Variants in GCSAML observed in about 807,000 individuals in gnomAD.
The protein encoded by GCSAML is germinal center-associated signaling and motility-like protein.
Under a neutral mutation model 13.0 loss-of-function variants are expected in GCSAML, and 9 were observed. That is an observed-to-expected ratio of 0.69 (90% CI 0.42 to 1.21). GCSAML has a LOEUF of 1.21. Ranked by LOEUF, GCSAML falls within the 50% of genes most tolerant of loss-of-function variation. The pLI is 0.00. For missense variants in GCSAML, 143 were observed against 153.4 expected (o/e 0.93, Z 0.36); for synonymous variants, 37 against 52.9 (o/e 0.70, Z 1.31).
At chr1:247,564,241 T>C (rs1259394426) in intron 3 of GCSAML, among the ~76,000 whole-genome samples, 1 of 151,990 alleles carries the variant, frequency 6.6e-6, no homozygotes, top group Admixed American at 6.6e-5. Flanking sequence ...CCCTAAAAAG[T>C]GTATTATTTT....
rs1384667573 is a variant in GCSAML, at chr1:247,528,883, T to C, written c.-148+1829T>C. 2.0e-5 allele frequency: 3 copies of C among 151,922 alleles called. No individual in the cohort carries two copies. The East Asian group carries it at 5.8e-4, about 29-fold the overall frequency. The allele number at this position is 151,922 out of a possible 1,614,324, so 9.4% of individuals were successfully genotyped here. On this transcript the variant is annotated intron_variant, in intron 2 of 5. Transcript: ENST00000366489. The stretch of plus-strand genomic sequence containing the variant: ...GATATCTGTCTGACATAAATGCCCA[T>C]GAGAGGGCATCCACTGCAGAGATGG...
chr1:247,531,260 A>G (rs1057155438), intron 2 of GCSAML: 1 of 395,942 alleles, frequency 2.5e-6, no homozygotes, highest in Non-Finnish European at 4.6e-6. Context: ...CGCTTCGGAT[A>G]CTGAGGAACA....
chr1:247,539,818 C>A (rs73148475), intron 2 of GCSAML, among the ~76,000 whole-genome samples: 1 of 152,118 alleles, frequency 6.6e-6, no homozygotes, highest in Non-Finnish European at 1.5e-5. Context: ...AAAATCACAA[C>A]GATTTTACTT....
intron 1 of GCSAML, among the ~76,000 whole-genome samples, chr1:247,514,941 G>A (rs1409795677): frequency 6.6e-6 from 1 of 152,052 alleles, no homozygotes; most frequent in Non-Finnish European, 1.5e-5. Context: ...TTGGCTATGT[G>A]GGCTCTTTTT....
chr1:247,571,830 G>A, intron 4 of GCSAML, among the ~76,000 whole-genome samples: 1 of 152,046 alleles, frequency 6.6e-6, no homozygotes, highest in East Asian at 1.9e-4. Context: ...TCACTTTCAG[G>A]TACACCAATC....
At chr1:247,541,375 T>C (rs372816316) in intron 2 of GCSAML, among the ~76,000 whole-genome samples, 1 of 152,106 alleles carries the variant, frequency 6.6e-6, no homozygotes, top group African/African-American at 2.4e-5. Context: ...TCACAGTTGG[T>C]GGGGTAGAAT....
At chr1:247,571,395 A>G (rs1197333373) in intron 4 of GCSAML, among the ~76,000 whole-genome samples, 5 of 152,148 alleles carry the variant, frequency 3.3e-5, no homozygotes, top group African/African-American at 4.8e-5. Flanking sequence ...GGCAGGCCTC[A>G]TGGTGACAAA....
chr1:247,569,245 G>A (rs995497525), intron 4 of GCSAML, among the ~76,000 whole-genome samples: 2 of 152,106 alleles, frequency 1.3e-5, no homozygotes, highest in African/African-American at 2.4e-5. Flanking sequence ...ATACTATGTT[G>A]AATAGGAGTG....
intron 1 of GCSAML, among the ~76,000 whole-genome samples, chr1:247,508,459 T>C (rs1368184901): frequency 6.6e-6 from 1 of 152,212 alleles, no homozygotes; most frequent in African/African-American, 2.4e-5. Context: ...ATTCTGTAGG[T>C]TGCCTGTTCA....
At chr1:247,512,257 C>T (rs7550918) in intron 1 of GCSAML, among the ~76,000 whole-genome samples, 107,617 of 151,240 alleles carry the variant, frequency 0.71, 39,860 homozygotes, top group East Asian at 0.96. Flanking sequence ...TTCATTATGC[C>T]GATCTTCAAT....
chr1:247,514,832 T>C (rs1045018764), intron 1 of GCSAML, among the ~76,000 whole-genome samples: 3 of 152,250 alleles, frequency 2.0e-5, no homozygotes, highest in African/African-American at 7.2e-5. Flanking sequence ...CCCGATTTTT[T>C]ATACCAGTAT....
At chr1:247,573,022 C>G (rs904716372) in intron 4 of GCSAML, among the ~76,000 whole-genome samples, 3 of 152,196 alleles carry the variant, frequency 2.0e-5, no homozygotes, top group African/African-American at 4.8e-5. Context: ...CCCCTTCCCC[C>G]ACCAAGCTCG....
chr1:247,524,967 A>G (rs1172595985), intron 1 of GCSAML: 1 of 152,262 alleles, frequency 6.6e-6, no homozygotes, highest in Non-Finnish European at 1.5e-5. Context: ...ATCAATGCCA[A>G]ATAAAATGAT....
intron 4 of GCSAML, among the ~76,000 whole-genome samples, chr1:247,567,938 C>CT (rs745900334): frequency 7.2e-5 from 11 of 151,968 alleles, no homozygotes; most frequent in African/African-American, 2.2e-4. Flanking sequence ...TGATGATTAG[C>CT]TTTTTTTTCT....
intron 2 of GCSAML, among the ~76,000 whole-genome samples, chr1:247,543,081 TACTC>T (rs1209834909): frequency 6.6e-6 from 1 of 152,238 alleles, no homozygotes; most frequent in Non-Finnish European, 1.5e-5. Flanking sequence ...AAGCTGGCCT[TACTC>T]AGTCTCAGGG....
chr1:247,532,065 G>A (rs1448418682), intron 2 of GCSAML: 13 of 1,614,086 alleles, frequency 8.1e-6, no homozygotes, highest in Non-Finnish European at 1.1e-5. Flanking sequence ...CCCCCAGCCA[G>A]GAGGCCAAAG....
Position 247,563,598 on chromosome 1 carries a change from T to C in GCSAML, c.98T>C (p.Met33Thr). 1 of 1,577,390 alleles carries C rather than the reference T, an allele frequency of 6.3e-7. No individual in the cohort carries two copies. The highest frequency in any genetic ancestry group is 8.7e-7 in the Non-Finnish European group (1 of 1,147,982). ...TATCTCTTTCCTTGTAGGCAGGAAATGACTACATTTGAAAGAAAACTTCAA... is the reference window on the plus strand; with the variant it reads ...TATCTCTTTCCTTGTAGGCAGGAAACGACTACATTTGAAAGAAAACTTCAA... ...NPDEERKRQEMTTFERKLQDQ... is the reference protein window; with the variant it reads ...NPDEERKRQETTTFERKLQDQ... The change falls in exon 3 of 5, where the codon ATG becomes ACG. Residue 33 changes from methionine (M) to threonine (T), a missense_variant. Coordinates refer to ENST00000366488, the MANE Select transcript of GCSAML (RefSeq NM_145278.5).
chr1:247,521,226 C>A (rs1032356738), intron 1 of GCSAML, among the ~76,000 whole-genome samples: 5 of 151,384 alleles, frequency 3.3e-5, no homozygotes, highest in African/African-American at 1.2e-4. Context: ...TTTTTATATA[C>A]CTGCAGTATT....
At chr1:247,524,444 T>C (rs1558237469) in intron 1 of GCSAML, among the ~76,000 whole-genome samples, 1 of 152,136 alleles carries the variant, frequency 6.6e-6, no homozygotes, top group African/African-American at 2.4e-5. Context: ...CATGTCACCT[T>C]CTCCAGGCTC....
Sources: allele counts gnomAD v4.1 joint callset (sites outside exome capture counted in the v4.1 genomes callset), GRCh38; gene constraint gnomAD v4.1.1; transcripts MANE v1.5; gene names NCBI Gene and HGNC (gene_info 2026-07-23, HGNC 2026-07-21).